Variants in ZC3H14 observed in about 807,000 individuals in gnomAD.
ZC3H14 encodes the protein zinc finger CCCH-type containing 14.
ZC3H14 carries 31 observed loss-of-function variants against 92.4 expected under a neutral mutation model. The observed-to-expected ratio is 0.34, with a 90% CI of 0.25 to 0.45. ZC3H14 has a LOEUF of 0.45. Among genes scored for constraint, ZC3H14 ranks in the 20% least tolerant of loss-of-function variants. The pLI, the probability that ZC3H14 is intolerant of heterozygous loss-of-function variation, is 1.00. For synonymous variants in ZC3H14, 321 were observed against 300.9 expected, an observed-to-expected ratio of 1.07 and a Z score of -0.69; for missense variants, 781 against 897.3, an observed-to-expected ratio of 0.87 and a Z score of 1.66.
In ZC3H14 at chr14:88,625,030, A is replaced by G; in HGVS notation, c.*13279A>G. On this transcript the variant is annotated 3_prime_UTR_variant, in exon 17 of 17. Transcript: ENST00000251038. ...TCGCAGGGTGGTGTACATGGCAAAC[A>G]CAGGCCCGTTGTGAGCTCTCGCCAC... 9 of 1,613,742 alleles carry G rather than the reference A, an allele frequency of 5.6e-6. No individual in the cohort carries two copies. Among genetic ancestry groups the G allele is most frequent in the Non-Finnish European group, 7.6e-6 (9 of 1,179,734 alleles).
At chr14:88,594,862 A>C (rs945830671) in intron 9 of ZC3H14, 1 of 1,613,984 alleles carries the variant, frequency 6.2e-7, no homozygotes, top group African/African-American at 1.3e-5. Flanking sequence ...TTTAAGGAAA[A>C]TATCAGCTGA....
intron 9 of ZC3H14, among the ~76,000 whole-genome samples, chr14:88,581,012 T>C (rs577709611): frequency 1.3e-5 from 2 of 152,328 alleles, no homozygotes; most frequent in South Asian, 4.1e-4. Context: ...CCAACTGTTA[T>C]CTATATGCAG....
chr14:88,573,079 T>G, intron 6 of ZC3H14, 72 bp downstream of exon 6: 3 of 1,507,986 alleles, frequency 2.0e-6, no homozygotes, highest in Non-Finnish European at 2.7e-6. Context: ...ATATATGAAG[T>G]AACTAAACAC....
Position 88,616,351 on chromosome 14 carries a change from T to C in ZC3H14, c.*4600T>C. ...CAAGAGCTGTGGAGAGAGTAGGGAG[T>C]TAGCACCGCAGCCAGTGATTAGAAT... On this transcript the variant is annotated 3_prime_UTR_variant, in exon 17 of 17. Coordinates refer to ENST00000251038, the MANE Select transcript of ZC3H14 (RefSeq NM_024824.5). 3.8e-6 allele frequency: 4 copies of C among 1,056,320 alleles called. No individual in the cohort carries two copies. Among genetic ancestry groups the C allele is most frequent in the Non-Finnish European group, 5.8e-6 (4 of 692,808 alleles). 65.4% of individuals were successfully genotyped at this position (1,056,320 alleles called of 1,614,324 possible). A position where few individuals can be genotyped will look rare whatever the true frequency, so the allele number is the denominator to read the frequency against.
intron 13 of ZC3H14, 59 bp downstream of exon 13, chr14:88,607,422 G>C: frequency 6.9e-7 from 1 of 1,448,610 alleles, no homozygotes; most frequent in East Asian, 2.9e-5. Flanking sequence ...ATCTCACCCT[G>C]CAAGTACCAT....
In ZC3H14 at chr14:88,609,386, T is replaced by A; in HGVS notation, c.1988T>A (p.Val663Glu). 6.2e-7 allele frequency: 1 copy of A among 1,614,112 alleles called. No individual in the cohort carries two copies. Among genetic ancestry groups the A allele is most frequent in the Non-Finnish European group, 8.5e-7 (1 of 1,179,978 alleles). ...PFTHVSRRIP[V>E]LSPKPAVAPP... is the part of the protein sequence containing the mutation. Reference sequence around the variant, plus strand: ...ACTCATGTGAGTAGAAGAATTCCAGTACTGTCTCCAAAACCAGGTGAGTGA... The same window carrying A: ...ACTCATGTGAGTAGAAGAATTCCAGAACTGTCTCCAAAACCAGGTGAGTGA... Residue 663 changes from valine to glutamate, a missense_variant, in exon 14 of 17, where the codon GTA becomes GAA. Transcript: ENST00000251038.
At chr14:88,590,663 T>C (rs1294746084) in intron 9 of ZC3H14, 1 of 152,240 alleles carries the variant, frequency 6.6e-6, no homozygotes, top group Non-Finnish European at 1.5e-5. Context: ...ACGTAGGTCT[T>C]TATGTTTTAA....
chr14:88,607,151 T>G (rs1490086845), intron 12 of ZC3H14, 92 bp from the exon 13 acceptor site: 2 of 1,586,848 alleles, frequency 1.3e-6, no homozygotes, highest in Non-Finnish European at 1.7e-6. Flanking sequence ...AACAGAAGAT[T>G]CTAAGACAGG....
chr14:88,621,791 A>G lies in ZC3H14; in HGVS notation c.*10040A>G, dbSNP rs2089001693. The G allele has an allele frequency of 5.4e-6, 2 of 367,536 alleles. No homozygotes were observed. Among genetic ancestry groups the G allele is most frequent in the African/African-American group, 2.1e-5 (1 of 47,142 alleles). 22.8% of individuals were successfully genotyped at this position (367,536 alleles called of 1,614,324 possible). A position where few individuals can be genotyped will look rare whatever the true frequency, so the allele number is the denominator to read the frequency against. On this transcript the variant is annotated 3_prime_UTR_variant, in exon 17 of 17. Coordinates refer to ENST00000251038, the MANE Select transcript of ZC3H14 (RefSeq NM_024824.5). ...TGTAGTTTTGAATTTTTATTTTGAA[A>G]TTGACACATAATTATACATATCTAT...
chr14:88,615,731 C>A lies in ZC3H14; in HGVS notation c.*3980C>A. The A allele has an allele frequency of 7.7e-7, 1 of 1,294,690 alleles. No homozygotes were observed. Among genetic ancestry groups the A allele is most frequent in the Non-Finnish European group, 1.1e-6 (1 of 920,538 alleles). The allele number at this position is 1,294,690 out of a possible 1,614,324, so 80.2% of individuals were successfully genotyped here. Reference sequence around the variant, plus strand: ...TCCCTGTTACAGTCTTGGGTTAGCACCACTTGACCATGCAGGGTTGGGTTT... The same window carrying A: ...TCCCTGTTACAGTCTTGGGTTAGCAACACTTGACCATGCAGGGTTGGGTTT... On this transcript the variant is annotated 3_prime_UTR_variant, in exon 17 of 17. Coordinates refer to ENST00000251038, the MANE Select transcript of ZC3H14 (RefSeq NM_024824.5).
chr14:88,572,922 G>A lies in ZC3H14; in HGVS notation c.776G>A (p.Arg259His), dbSNP rs771068540. ...MQSSWVYETG[R>H]LCEPEVLNSL... The stretch of plus-strand genomic sequence containing the variant: ...AGTAGTTGGGTATATGAAACAGGAC[G>A]TTTGTGTGAACCAGAGGTGCTTAAC... Residue 259 changes from arginine to histidine, a missense_variant, in exon 6 of 17, where the codon CGT becomes CAT. Physicochemically the swap from Arg to His is conservative, Grantham distance 29 (BLOSUM62 0). Transcript: ENST00000251038. The A allele has an allele frequency of 1.3e-5, 21 of 1,614,068 alleles. No individual in the cohort carries two copies. The Admixed American group carries it at 1.3e-4, about 10-fold the overall frequency.
chr14:88,588,778 G>C lies in ZC3H14; in HGVS notation c.1280-7956G>C, dbSNP rs571483118. 2.0e-3 allele frequency among the ~76,000 whole-genome samples: 305 copies of C among 152,184 alleles called. 4 individuals are homozygous for C. Among genetic ancestry groups the C allele is most frequent in the African/African-American group, 7.0e-3 (291 of 41,536 alleles). ...GATAAGCCCTTACTTTAATCTGTCA[G>C]TTGTATATTTTTTCTCTCTTGATTT... On this transcript the variant is annotated intron_variant, in intron 9 of 16. Transcript: ENST00000251038.
rs554472083 is a variant in ZC3H14, at chr14:88,565,956, C to T, written c.80-2083C>T. ...AATCTTGGCTCACTGCAACCTCCGC[C>T]TCCCAGGTTCAAGCAATTCTCCTGC... On this transcript the variant is annotated intron_variant, in intron 2 of 16. Transcript: ENST00000251038. 5.0e-5 allele frequency among the ~76,000 whole-genome samples: 7 copies of T among 139,524 alleles called. No homozygotes were observed. In the East Asian group the frequency reaches 1.4e-3, roughly 27 times the overall value. 91.5% of individuals were successfully genotyped at this position (139,524 alleles called of 152,430 possible).
At chr14:88,603,757 A>G (rs1381331831) in intron 12 of ZC3H14, among the ~76,000 whole-genome samples, 1 of 152,212 alleles carries the variant, frequency 6.6e-6, no homozygotes, top group Admixed American at 6.5e-5. Context: ...ACTCAATCTT[A>G]AAAGCGTACA....
In ZC3H14 at chr14:88,620,212, T is replaced by G. The variant is rs1285000192; in HGVS notation, c.*8461T>G. 1 of 152,264 alleles carries G rather than the reference T, an allele frequency of 6.6e-6. No individual in the cohort carries two copies. Among genetic ancestry groups the G allele is most frequent in the Non-Finnish European group, 1.5e-5 (1 of 68,066 alleles). 9.4% of individuals were successfully genotyped at this position (152,264 alleles called of 1,614,324 possible). On this transcript the variant is annotated 3_prime_UTR_variant, in exon 17 of 17. Transcript: ENST00000251038. The surrounding 1 kb of genome is among the most constrained non-coding windows in gnomAD (Gnocchi z 4.3). The stretch of plus-strand genomic sequence containing the variant: ...GACAGACCTAGATTCAATAATCTTA[T>G]CTACTGATCACACGGAAGTACTCCG...
chr14:88,603,104 G>A (rs780155552), intron 12 of ZC3H14, 44 bp downstream of exon 12: 3 of 1,578,428 alleles, frequency 1.9e-6, no homozygotes, highest in Non-Finnish European at 2.6e-6. Flanking sequence ...CATTGTGAAG[G>A]GAATCTTTGA....
At chr14:88,564,918 C>A (rs1288696429) in intron 2 of ZC3H14, among the ~76,000 whole-genome samples, 1 of 152,162 alleles carries the variant, frequency 6.6e-6, no homozygotes, top group Non-Finnish European at 1.5e-5. Flanking sequence ...TCATTTTTAA[C>A]TTCAAAGTAC....
At chr14:88,576,025 A>G (rs1286702743) in intron 8 of ZC3H14, 85 bp downstream of exon 8, 6 of 1,194,346 alleles carry the variant, frequency 5.0e-6, no homozygotes, top group South Asian at 1.3e-5. Flanking sequence ...CTTAAATTGT[A>G]AAATAAAGGT....
In ZC3H14 at chr14:88,615,037, T is replaced by C. The variant is rs970525842; in HGVS notation, c.*3286T>C. On this transcript the variant is annotated 3_prime_UTR_variant, in exon 17 of 17. Coordinates refer to ENST00000251038, the MANE Select transcript of ZC3H14 (RefSeq NM_024824.5). ...ACTGTTGCTCCCTAAAACCCTTACA[T>C]TGTACACCATTGGGAATGATTGTTC... is the stretch of plus-strand genomic sequence containing the variant. 4 of 152,230 alleles carry C rather than the reference T, an allele frequency of 2.6e-5. No homozygotes were observed. In the East Asian group the frequency reaches 5.8e-4, roughly 22 times the overall value. 9.4% of individuals were successfully genotyped at this position (152,230 alleles called of 1,614,324 possible). A position where few individuals can be genotyped will look rare whatever the true frequency, so the allele number is the denominator to read the frequency against.
Sources: allele counts gnomAD v4.1 joint callset (sites outside exome capture counted in the v4.1 genomes callset), GRCh38; gene constraint gnomAD v4.1.1; non-coding constraint Gnocchi (gnomAD v3.1); transcripts MANE v1.5; gene names NCBI Gene and HGNC (gene_info 2026-07-23, HGNC 2026-07-21).